Variants in FTO observed in about 807,000 individuals in gnomAD.
FTO encodes alpha-ketoglutarate-dependent dioxygenase FTO.
A neutral mutation model predicts 63.9 loss-of-function variants in FTO; 47 were observed. That is an observed-to-expected ratio of 0.74 (90% confidence interval 0.58 to 0.94). The LOEUF (loss-of-function observed/expected upper bound fraction) is 0.94. FTO is among the 40% of genes least tolerant of loss of function. The pLI is 0.00. For missense variants in FTO, 562 were observed against 618.1 expected, an observed-to-expected ratio of 0.91 and a Z score of 0.96; for synonymous variants, 207 against 224.4, an observed-to-expected ratio of 0.92 and a Z score of 0.69.
intron 7 of FTO, among the ~76,000 whole-genome samples, chr16:53,890,234 T>A (rs750886047): frequency 6.6e-6 from 1 of 152,186 alleles, no homozygotes; most frequent in Non-Finnish European, 1.5e-5. Context: ...CTATTGCTAA[T>A]CCCTATTTTA....
chr16:53,752,247 G>A (rs556896686), intron 1 of FTO, among the ~76,000 whole-genome samples: 97 of 152,308 alleles, frequency 6.4e-4, no homozygotes, highest in African/African-American at 2.2e-3. Flanking sequence ...GACAGAATAT[G>A]TTGTAAAGAT....
intron 2 of FTO, among the ~76,000 whole-genome samples, chr16:53,823,983 TTCA>T (rs2151769035): frequency 6.6e-6 from 1 of 152,366 alleles, no homozygotes; most frequent in Non-Finnish European, 1.5e-5. Context: ...ACGTATGTAT[TTCA>T]TCTGTCCACT....
intron 8 of FTO, among the ~76,000 whole-genome samples, chr16:54,005,658 T>G (rs1414490861): frequency 6.6e-6 from 1 of 152,194 alleles, no homozygotes; most frequent in African/African-American, 2.4e-5. Context: ...CATTCATTCA[T>G]GATTCATGAA....
At chr16:54,109,474 G>A (rs2086828196) in intron 8 of FTO, among the ~76,000 whole-genome samples, 1 of 152,206 alleles carries the variant, frequency 6.6e-6, no homozygotes, top group South Asian at 2.1e-4. Context: ...GGGATCACAG[G>A]CTGGCACTAC....
At chr16:53,738,569 T>C (rs2076446401) in intron 1 of FTO, among the ~76,000 whole-genome samples, 1 of 152,232 alleles carries the variant, frequency 6.6e-6, no homozygotes, top group African/African-American at 2.4e-5. Context: ...AAGGAGGTTT[T>C]TGTGTGGCCA....
intron 4 of FTO, among the ~76,000 whole-genome samples, chr16:53,869,539 C>CTTT (rs1400809907): frequency 9.8e-6 from 1 of 101,750 alleles, no homozygotes; most frequent in African/African-American, 4.5e-5. Flanking sequence ...TCCCATAGTT[C>CTTT]TGTTTTTTTT....
At chr16:53,740,502 G>T (rs375017579) in intron 1 of FTO, among the ~76,000 whole-genome samples, 3 of 152,166 alleles carry the variant, frequency 2.0e-5, no homozygotes, top group East Asian at 1.9e-4. Context: ...ATATTTTCTG[G>T]TTTTTCTTGC....
chr16:53,824,618 A>G (rs1336282983), intron 2 of FTO, among the ~76,000 whole-genome samples: 1 of 152,186 alleles, frequency 6.6e-6, no homozygotes, highest in Non-Finnish European at 1.5e-5. Flanking sequence ...CATGAAAAAA[A>G]AAACGTTTGG....
At chr16:53,774,763 C>T (rs1201360832) in intron 1 of FTO, among the ~76,000 whole-genome samples, 4 of 152,092 alleles carry the variant, frequency 2.6e-5, no homozygotes, top group African/African-American at 9.7e-5. Flanking sequence ...GCCAGGGTAG[C>T]CGCTCATCTG....
chr16:53,956,017 A>G (rs1260385073), intron 8 of FTO, among the ~76,000 whole-genome samples: 1 of 152,014 alleles, frequency 6.6e-6, no homozygotes, highest in African/African-American at 2.4e-5. Flanking sequence ...AAAAAAATCT[A>G]TTTTGCACCT....
chr16:53,851,974 C>T (rs529328599), intron 4 of FTO, among the ~76,000 whole-genome samples: 89 of 151,780 alleles, frequency 5.9e-4, no homozygotes, highest in African/African-American at 1.6e-3. Flanking sequence ...ACTTTTATTT[C>T]TTTAATAACT....
At chr16:54,072,794 C>T (rs75997529) in intron 8 of FTO, among the ~76,000 whole-genome samples, 4,666 of 152,162 alleles carry the variant, frequency 0.031, 215 homozygotes, top group African/African-American at 0.11. Flanking sequence ...AGGGGGCTTC[C>T]GTTTTGGAAG....
chr16:54,005,140 G>A (rs368091575), intron 8 of FTO, among the ~76,000 whole-genome samples: 21 of 149,042 alleles, frequency 1.4e-4, no homozygotes, highest in African/African-American at 3.7e-4. Context: ...TCTAGGCAGC[G>A]CCAGGTTTCT....
At chr16:53,777,648 AG>A (rs2077492597) in intron 1 of FTO, among the ~76,000 whole-genome samples, 2 of 152,338 alleles carry the variant, frequency 1.3e-5, no homozygotes, top group South Asian at 4.1e-4. Context: ...GTGTAAAAAA[AG>A]GTCACACTCA....
intron 8 of FTO, chr16:53,992,043 G>C (rs1229679393): frequency 1.3e-5 from 2 of 152,112 alleles, no homozygotes; most frequent in African/African-American, 4.8e-5. Context: ...TTGAGCGTTA[G>C]AAGTTTCAAA....
At chr16:53,742,575 T>G (rs913757660) in intron 1 of FTO, among the ~76,000 whole-genome samples, 3 of 152,218 alleles carry the variant, frequency 2.0e-5, no homozygotes, top group African/African-American at 7.2e-5. Flanking sequence ...TTGCTGTTAC[T>G]TAAAATCACA....
At chr16:54,051,788 C>T (rs1314315192) in intron 8 of FTO, among the ~76,000 whole-genome samples, 2 of 152,128 alleles carry the variant, frequency 1.3e-5, no homozygotes, top group African/African-American at 4.8e-5. Flanking sequence ...GTCTTATGTG[C>T]CCTTGGCTAG....
intron 8 of FTO, among the ~76,000 whole-genome samples, chr16:54,081,674 A>T (rs769843812): frequency 1.3e-5 from 2 of 152,192 alleles, no homozygotes; most frequent in Non-Finnish European, 2.9e-5. Flanking sequence ...CATGTGTAGG[A>T]ATAGTAGGAG....
At chr16:54,097,262 C>T (rs1433603156) in intron 8 of FTO, among the ~76,000 whole-genome samples, 1 of 152,082 alleles carries the variant, frequency 6.6e-6, no homozygotes, top group African/African-American at 2.4e-5. Context: ...CTTTAACTCT[C>T]AGACCAGTGC....
Sources: gnomAD v4.1 joint callset for allele counts (sites outside exome capture counted in the v4.1 genomes callset) on GRCh38, gnomAD v4.1.1 for gene constraint, MANE v1.5 for transcripts, NCBI Gene and HGNC (gene_info 2026-07-23, HGNC 2026-07-21) for gene names.